The following GBF1 variants were observed in gnomAD, a reference collection of about 807,000 sequenced individuals.
GBF1 encodes the protein golgi brefeldin A resistant guanine nucleotide exchange factor 1, also known as Golgi-specific brefeldin A-resistance guanine nucleotide exchange factor 1.
A neutral mutation model predicts 210.5 loss-of-function variants in GBF1; 114 were observed. The ratio of observed to expected loss-of-function variants is 0.54; its 90% CI spans 0.47 to 0.63. The LOEUF is 0.63. GBF1 is among the 30% of genes least tolerant of loss of function. The pLI, the probability that GBF1 is intolerant of heterozygous loss-of-function variation, is 0.00. For missense variants in GBF1, 1,851 were observed against 2,357.7 expected (o/e 0.79, Z 4.45); for synonymous variants, 850 against 889.2 (o/e 0.96, Z 0.78).
intron 39 of GBF1, 67 bp from the exon 40 acceptor site, chr10:102,381,989 G>C: frequency 8.2e-6 from 11 of 1,340,094 alleles, no homozygotes; most frequent in Non-Finnish European, 1.1e-5. Flanking sequence ...GCAGCCAGCT[G>C]GGCAATGTGA....
chr10:102,358,330 G>A, intron 9 of GBF1, 144 bp downstream of exon 9: 2 of 869,000 alleles, frequency 2.3e-6, no homozygotes, highest in Non-Finnish European at 3.6e-6. Context: ...TCAAATCAGA[G>A]TGTGACCATT....
chr10:102,337,369 C>CAAAAA (rs376089186), intron 3 of GBF1, among the ~76,000 whole-genome samples: 1 of 92,616 alleles, frequency 1.1e-5, no homozygotes, highest in Admixed American at 1.2e-4. Context: ...GACTCCGCCT[C>CAAAAA]AAAAAAAAAA....
chr10:102,293,764 G>GTATT, intron 3 of GBF1, among the ~76,000 whole-genome samples: 1 of 50,888 alleles, frequency 2.0e-5, no homozygotes, highest in African/African-American at 5.7e-5. Flanking sequence ...GCTGTAGTAT[G>GTATT]TTTTGTGTTT....
intron 3 of GBF1, among the ~76,000 whole-genome samples, chr10:102,327,333 A>G (rs1007991072): frequency 1.9e-4 from 29 of 152,212 alleles, no homozygotes; most frequent in African/African-American, 7.0e-4. Context: ...AGGGGTGTGC[A>G]GCAACATTGA....
At chr10:102,302,407 A>T (rs990689161) in intron 3 of GBF1, among the ~76,000 whole-genome samples, 4 of 152,238 alleles carry the variant, frequency 2.6e-5, no homozygotes, top group African/African-American at 9.6e-5. Flanking sequence ...GGTGAGTTAT[A>T]GCTCAATAAA....
intron 3 of GBF1, among the ~76,000 whole-genome samples, chr10:102,278,530 G>T (rs78474617): frequency 0.012 from 1,865 of 152,226 alleles, 33 homozygotes; most frequent in African/African-American, 0.043. Context: ...TTATACTTAT[G>T]TATTGGTTAC....
intron 3 of GBF1, among the ~76,000 whole-genome samples, chr10:102,270,245 C>T (rs1357688981): frequency 1.3e-5 from 2 of 151,814 alleles, no homozygotes; most frequent in Non-Finnish European, 2.9e-5. Context: ...TCTTGGCTCA[C>T]TGCAACCTCC....
chr10:102,293,762 A>ATTTT (rs1565071251), intron 3 of GBF1, among the ~76,000 whole-genome samples: 17 of 44,576 alleles, frequency 3.8e-4, no homozygotes, highest in Admixed American at 6.3e-4. Context: ...CAGCTGTAGT[A>ATTTT]TGTTTTGTGT....
At position 102,375,376 on chromosome 10, in the gene GBF1, C is replaced by T; in HGVS notation, c.3678C>T (p.Arg1226=). The change falls in exon 30 of 40, where the codon CGC becomes CGT. Residue 1226 remains arginine (R), a synonymous_variant. Coordinates refer to ENST00000369983, the MANE Select transcript of GBF1 (RefSeq NM_001377137.1). ...EISAQVLLSL[R]ILLLMKPSVL... Reference sequence around the variant, plus strand: ...CACTCCAGGTGCTGCTCTCCCTGCGCATTTTGCTACTGATGAAGCCCAGTG... The same window carrying T: ...CACTCCAGGTGCTGCTCTCCCTGCGTATTTTGCTACTGATGAAGCCCAGTG... 6.2e-7 allele frequency: 1 copy of T among 1,611,802 alleles called. No individual in the cohort carries two copies. Among genetic ancestry groups the T allele is most frequent in the Non-Finnish European group, 8.5e-7 (1 of 1,177,910 alleles).
intron 29 of GBF1, among the ~76,000 whole-genome samples, chr10:102,374,505 C>A (rs7916805): frequency 6.6e-6 from 1 of 151,686 alleles, no homozygotes; most frequent in Non-Finnish European, 1.5e-5. Flanking sequence ...GGATCACTTG[C>A]GCCCAGGAGT....
chr10:102,294,888 T>C (rs1354496706), intron 3 of GBF1, among the ~76,000 whole-genome samples: 1 of 152,116 alleles, frequency 6.6e-6, no homozygotes, highest in East Asian at 1.9e-4. Flanking sequence ...TACTCTATGA[T>C]TTTTGCACAA....
At chr10:102,274,729 T>TTTTTTTG (rs1491304100) in intron 3 of GBF1, among the ~76,000 whole-genome samples, 1 of 102,664 alleles carries the variant, frequency 9.7e-6, no homozygotes, top group Non-Finnish European at 2.0e-5. Context: ...TTTTTTTTTT[T>TTTTTTTG]GAGAGGGAGT....
the GBF1 span, among the ~76,000 whole-genome samples, chr10:102,235,023 C>A: frequency 6.6e-6 from 1 of 152,192 alleles, no homozygotes; most frequent in Non-Finnish European, 1.5e-5. Context: ...AGCACTTGGA[C>A]TTGGAGCTAG....
chr10:102,360,174 C>T lies in GBF1; in HGVS notation c.1181-10C>T. 6.3e-7 allele frequency: 1 copy of T among 1,590,878 alleles called. No homozygotes were observed. The highest frequency in any genetic ancestry group is 8.6e-7 in the Non-Finnish European group (1 of 1,158,906). On this transcript the variant is annotated splice_polypyrimidine_tract_variant and intron_variant, in intron 11 of 39. Coordinates refer to ENST00000369983, the MANE Select transcript of GBF1 (RefSeq NM_001377137.1). Reference sequence around the variant, plus strand: ...TATAGCAGTCTCACTCTCCTCCTGGCCTTCCCCAGGCACAGCTTTGGTCCC... The same window carrying T: ...TATAGCAGTCTCACTCTCCTCCTGGTCTTCCCCAGGCACAGCTTTGGTCCC...
At position 102,291,423 on chromosome 10, in the gene GBF1, A is replaced by G. The variant is rs532317514; in HGVS notation, c.163+31307A>G. Among the ~76,000 whole-genome samples the G allele has an allele frequency of 3.9e-5, 6 of 152,278 alleles. No homozygotes were observed. The East Asian group carries it at 5.8e-4, about 15-fold the overall frequency. ...TGAGGACAAGGCTGACACCAGGCCT[A>G]TAAATACCCTAAGGTTTAGCTTTGT... On this transcript the variant is annotated intron_variant, in intron 3 of 39. Coordinates refer to ENST00000369983, the MANE Select transcript of GBF1 (RefSeq NM_001377137.1).
intron 3 of GBF1, among the ~76,000 whole-genome samples, chr10:102,268,015 G>T (rs2074034133): frequency 6.6e-6 from 1 of 152,012 alleles, no homozygotes; most frequent in African/African-American, 2.4e-5. Flanking sequence ...TTTTTCCCCA[G>T]GGACTATTCA....
At chr10:102,350,781 GC>G (rs2058907558) in intron 4 of GBF1, among the ~76,000 whole-genome samples, 1 of 152,040 alleles carries the variant, frequency 6.6e-6, no homozygotes, top group African/African-American at 2.4e-5. Flanking sequence ...GTGTTGAGGA[GC>G]TCATTAAAAC....
chr10:102,289,659 A>C (rs538929934), intron 3 of GBF1, among the ~76,000 whole-genome samples: 2 of 152,354 alleles, frequency 1.3e-5, no homozygotes, highest in East Asian at 3.9e-4. Flanking sequence ...TTACTGGCGT[A>C]GTAGACAATT....
chr10:102,341,647 A>G (rs2058188419), intron 3 of GBF1, among the ~76,000 whole-genome samples: 1 of 152,252 alleles, frequency 6.6e-6, no homozygotes, highest in Admixed American at 6.5e-5. Context: ...TAGCTTGGAA[A>G]AATTTCAGTC....
Sources: allele counts gnomAD v4.1 joint callset (sites outside exome capture counted in the v4.1 genomes callset), GRCh38; gene constraint gnomAD v4.1.1; transcripts MANE v1.5; gene names NCBI Gene and HGNC (gene_info 2026-07-23, HGNC 2026-07-21).